The following LXN variants were observed in gnomAD, a reference collection of about 807,000 sequenced individuals.
LXN encodes the protein latexin, also known as MUM.
LXN carries 28 observed loss-of-function variants against 29.8 expected under a neutral mutation model. The observed-to-expected ratio is 0.94, with a 90% CI of 0.70 to 1.29. The LOEUF (loss-of-function observed/expected upper bound fraction) is 1.29. LXN is among the 50% of genes most tolerant of loss of function. The pLI is 0.00. For synonymous variants in LXN, 77 were observed against 89.6 expected (o/e 0.86, Z 0.80); for missense variants, 227 against 261.7 (o/e 0.87, Z 0.92).
In LXN at chr3:158,671,039, G is replaced by A; in HGVS notation, c.130-20C>T. On this transcript the variant is annotated intron_variant, in intron 1 of 5. Coordinates refer to ENST00000264265, the MANE Select transcript of LXN (RefSeq NM_020169.4). Reference sequence around the variant, plus strand: ...AATATCCTAAAATTAAGAAAATGTAGTGGAGACAAGAAAATATTATAACAA... The same window carrying A: ...AATATCCTAAAATTAAGAAAATGTAATGGAGACAAGAAAATATTATAACAA... The A allele has an allele frequency of 2.7e-6, 4 of 1,503,532 alleles. No individual in the cohort carries two copies. Among genetic ancestry groups the A allele is most frequent in the Non-Finnish European group, 3.5e-6 (4 of 1,128,788 alleles). The allele number at this position is 1,503,532 out of a possible 1,614,324, so 93.1% of individuals were successfully genotyped here. A position where few individuals can be genotyped will look rare whatever the true frequency, so the allele number is the denominator to read the frequency against.
chr3:158,672,547 C>A lies in LXN; in HGVS notation c.-69G>T, dbSNP rs527321098. 5.7e-6 allele frequency: 9 copies of A among 1,589,514 alleles called. No homozygotes were observed. In the Admixed American group the frequency reaches 8.5e-5, roughly 15 times the overall value. ...ACGGGACCAGTAGCAGAGCGCCGCC[C>A]GTCCTGCTTGCTGCTGGGTCCGGTT... On this transcript the variant is annotated 5_prime_UTR_variant, in exon 1 of 6. Transcript: ENST00000264265.
At chr3:158,669,845 T>G (rs866836181) in intron 2 of LXN, among the ~76,000 whole-genome samples, 21 of 152,218 alleles carry the variant, frequency 1.4e-4, no homozygotes, top group Admixed American at 1.1e-3. Context: ...CATAATCTTA[T>G]GAATTCTAGT....
At position 158,669,532 on chromosome 3, in the gene LXN, A is replaced by C. The variant is rs754221698; in HGVS notation, c.271T>G (p.Phe91Val). 6.2e-7 allele frequency: 1 copy of C among 1,613,926 alleles called. No homozygotes were observed. Among genetic ancestry groups the C allele is most frequent in the South Asian group, 1.1e-5 (1 of 91,080 alleles). Residue 91 changes from phenylalanine to valine, a missense_variant, in exon 3 of 6, where the codon TTT becomes GTT. Physicochemically the swap from Phe to Val is conservative, Grantham distance 50 (BLOSUM62 -1). Coordinates refer to ENST00000264265, the MANE Select transcript of LXN (RefSeq NM_020169.4). ...QETAPEVNFTFEGETGKNPDE... is the reference protein window; with the variant it reads ...QETAPEVNFTVEGETGKNPDE... ...GGATTCTTTCCAGTTTCTCCTTCAA[A>C]TGTGAAGTTGACTTCTGGTGCAGTT...
intron 3 of LXN, 95 bp from the exon 4 acceptor site, chr3:158,669,227 A>C (rs916959885): frequency 3.0e-6 from 4 of 1,349,482 alleles, no homozygotes; most frequent in South Asian, 1.4e-5. Context: ...TTTCCTTCGA[A>C]TGTTGTGCAA....
chr3:158,668,537 G>A (rs1401009307), intron 4 of LXN, among the ~76,000 whole-genome samples: 1 of 152,180 alleles, frequency 6.6e-6, no homozygotes, highest in Admixed American at 6.5e-5. Context: ...TTTGAGGAAA[G>A]TATCATAGTT....
intron 5 of LXN, 124 bp from the exon 6 acceptor site, chr3:158,666,868 T>C: frequency 1.4e-6 from 2 of 1,437,022 alleles, no homozygotes; most frequent in Non-Finnish European, 1.9e-6. Flanking sequence ...GTTAAATTGC[T>C]GCAATTATAA....
chr3:158,668,455 A>G (rs547534429), intron 4 of LXN, among the ~76,000 whole-genome samples: 1 of 152,202 alleles, frequency 6.6e-6, no homozygotes, highest in Non-Finnish European at 1.5e-5. Flanking sequence ...GCCTGACTGT[A>G]TATTGTACAC....
At chr3:158,669,291 T>C in intron 3 of LXN, 142 bp downstream of exon 3, 1 of 1,180,096 alleles carries the variant, frequency 8.5e-7, no homozygotes, top group Non-Finnish European at 1.2e-6. Context: ...CTCTTTTTTG[T>C]TGGATTGGAT....
At chr3:158,669,215 A>T in intron 3 of LXN, 83 bp from the exon 4 acceptor site, 1 of 1,403,924 alleles carries the variant, frequency 7.1e-7, no homozygotes, top group Non-Finnish European at 9.7e-7. Flanking sequence ...ATCATGTCTT[A>T]GTTTCCTTCG....
chr3:158,667,038 T>C lies in LXN; in HGVS notation c.544A>G (p.Ile182Val). 1 of 1,596,500 alleles carries C rather than the reference T, an allele frequency of 6.3e-7. No individual in the cohort carries two copies. Among genetic ancestry groups the C allele is most frequent in the Non-Finnish European group, 8.5e-7 (1 of 1,174,732 alleles). Residue 182 changes from isoleucine to valine, a missense_variant, in exon 5 of 6, where the codon ATT (isoleucine) becomes GTT (valine). Physicochemically the swap from Ile to Val is conservative, Grantham distance 29. Coordinates refer to ENST00000264265, the MANE Select transcript of LXN (RefSeq NM_020169.4). ...NDDFIELDYTILLHNIASQEI... is the reference protein window; with the variant it reads ...NDDFIELDYTVLLHNIASQEI... ...TGAGATGCTATATTATGAAGTAGAA[T>C]GGTGTAGTCTAATTCAATAAAGTCA... is the stretch of plus-strand genomic sequence containing the variant.
intron 2 of LXN, among the ~76,000 whole-genome samples, chr3:158,669,944 G>A (rs112970393): frequency 6.6e-5 from 10 of 152,260 alleles, no homozygotes; most frequent in African/African-American, 2.2e-4. Flanking sequence ...ACTCAAGACT[G>A]GTTACTTTTA....
rs890807516 is a variant in LXN at position 158,672,529 on chromosome 3, C to G, written c.-51G>C. 2.5e-6 allele frequency: 4 copies of G among 1,606,714 alleles called. No homozygotes were observed. The African/African-American group carries it at 4.0e-5, about 16-fold the overall frequency. ...TTGGGCTACTCTGGCTTAACGGGAC[C>G]AGTAGCAGAGCGCCGCCCGTCCTGC... On this transcript the variant is annotated 5_prime_UTR_variant, in exon 1 of 6. Transcript: ENST00000264265.
chr3:158,672,628 C>G lies in LXN; in HGVS notation c.-150G>C, dbSNP rs1560139530. On this transcript the variant is annotated 5_prime_UTR_variant, in exon 1 of 6. Coordinates refer to ENST00000264265, the MANE Select transcript of LXN (RefSeq NM_020169.4). ...GTCAGTCTTCTTCCTCAGCTCCTTC[C>G]GACTCCGGAAGCTGCTGTTTGGGCC... 3 of 905,038 alleles carry G rather than the reference C, an allele frequency of 3.3e-6. No individual in the cohort carries two copies. The highest frequency in any genetic ancestry group is 3.3e-6 in the Non-Finnish European group (2 of 614,088). The allele number at this position is 905,038 out of a possible 1,614,324, so 56.1% of individuals were successfully genotyped here.
rs1724037852 is a variant in LXN, at chr3:158,669,341, C to G, written c.370+92G>C. ...TTTGCAAAAGCCTGTAAGTTTCTAACATACTTAGCAACTAACAATTTTAAG... is the reference window on the plus strand; with the variant it reads ...TTTGCAAAAGCCTGTAAGTTTCTAAGATACTTAGCAACTAACAATTTTAAG... On this transcript the variant is annotated intron_variant, in intron 3 of 5. Coordinates refer to ENST00000264265, the MANE Select transcript of LXN (RefSeq NM_020169.4). 2.3e-6 allele frequency: 3 copies of G among 1,329,180 alleles called. No individual in the cohort carries two copies. The Admixed American group carries it at 7.6e-5, about 34-fold the overall frequency. 82.3% of individuals were successfully genotyped at this position (1,329,180 alleles called of 1,614,324 possible). A position where few individuals can be genotyped will look rare whatever the true frequency, so the allele number is the denominator to read the frequency against.
chr3:158,672,530 A>G lies in LXN; in HGVS notation c.-52T>C, dbSNP rs1460369592. 1 of 1,606,508 alleles carries G rather than the reference A, an allele frequency of 6.2e-7. No individual in the cohort carries two copies. The highest frequency in any genetic ancestry group is 1.7e-5 in the Admixed American group (1 of 59,742). On this transcript the variant is annotated 5_prime_UTR_variant, in exon 1 of 6. Coordinates refer to ENST00000264265, the MANE Select transcript of LXN (RefSeq NM_020169.4). ...TGGGCTACTCTGGCTTAACGGGACC[A>G]GTAGCAGAGCGCCGCCCGTCCTGCT...
intron 2 of LXN, 141 bp downstream of exon 2, chr3:158,670,816 C>A: frequency 8.2e-7 from 1 of 1,220,954 alleles, no homozygotes. Context: ...ACCTGTGGTC[C>A]CAGCTATTTG....
intron 4 of LXN, among the ~76,000 whole-genome samples, chr3:158,667,703 G>A (rs1438379772): frequency 6.6e-6 from 1 of 152,078 alleles, no homozygotes; most frequent in African/African-American, 2.4e-5. Context: ...TGGGAGGACC[G>A]CCTGAGCCTG....
intron 4 of LXN, among the ~76,000 whole-genome samples, chr3:158,668,335 C>T (rs978099363): frequency 5.3e-5 from 8 of 151,936 alleles, no homozygotes; most frequent in African/African-American, 1.2e-4. Context: ...GGAATCATGA[C>T]GAGAAAAAAA....
At position 158,672,632 on chromosome 3, in the gene LXN, TC is replaced by T; in HGVS notation, c.-155del. 2.3e-6 allele frequency: 2 copies of T among 860,844 alleles called. No homozygotes were observed. The highest frequency in any genetic ancestry group is 1.7e-5 in the African/African-American group (1 of 58,644). The allele number at this position is 860,844 out of a possible 1,614,324, so 53.3% of individuals were successfully genotyped here. On this transcript the variant is annotated 5_prime_UTR_variant, in exon 1 of 6. Coordinates refer to ENST00000264265, the MANE Select transcript of LXN (RefSeq NM_020169.4). The stretch of plus-strand genomic sequence containing the variant: ...GTCTTCTTCCTCAGCTCCTTCCGAC[TC>T]CGGAAGCTGCTGTTTGGGCCCAGGC...
Sources: gnomAD v4.1 joint callset for allele counts (sites outside exome capture counted in the v4.1 genomes callset) on GRCh38, gnomAD v4.1.1 for gene constraint, MANE v1.5 for transcripts, NCBI Gene and HGNC (gene_info 2026-07-23, HGNC 2026-07-21) for gene names.